IRAG2: variants seen among roughly 807,000 people sequenced by gnomAD.
IRAG2 encodes the protein inositol 1,4,5-triphosphate receptor associated 2.
A neutral mutation model predicts 69.9 loss-of-function variants in IRAG2; 45 were observed. The ratio of observed to expected loss-of-function variants is 0.64; its 90% CI spans 0.51 to 0.83. The LOEUF (loss-of-function observed/expected upper bound fraction) is 0.83. Among genes scored for constraint, IRAG2 ranks in the 40% least tolerant of loss-of-function variants. The pLI is 0.00. For missense variants in IRAG2, 520 were observed against 587.0 expected (o/e 0.89, Z 1.18); for synonymous variants, 193 against 202.4 (o/e 0.95, Z 0.40).
chr12:25,089,950 C>A, intron 13 of IRAG2, 107 bp from the exon 14 acceptor site: 3 of 1,338,954 alleles, frequency 2.2e-6, no homozygotes, highest in Non-Finnish European at 2.1e-6. Context: ...CATTATGTTG[C>A]TGGGGGGAGA....
At chr12:25,086,553 G>A (rs1414495117) in intron 10 of IRAG2, among the ~76,000 whole-genome samples, 1 of 152,146 alleles carries the variant, frequency 6.6e-6, no homozygotes, top group East Asian at 1.9e-4. Context: ...GTGTGTGGAT[G>A]AGATTTCCCA....
Position 25,021,551 on chromosome 12 carries a change from G to C in IRAG2, c.1332+644G>C, listed in dbSNP as rs557583781. On this transcript the variant is annotated intron_variant, in intron 7 of 38. Transcript: ENST00000636465. Reference sequence around the variant, plus strand: ...ACAGGCTTATAATTTCAGAGCAAAAGAGTCATTTAGACTAAACTTTAAGTC... The same window carrying C: ...ACAGGCTTATAATTTCAGAGCAAAACAGTCATTTAGACTAAACTTTAAGTC... Among the ~76,000 whole-genome samples, 44 of 152,162 alleles carry C rather than the reference G, an allele frequency of 2.9e-4. No individual in the cohort carries two copies. The South Asian group carries it at 8.7e-3, about 30-fold the overall frequency.
chr12:25,004,153 G>A (rs1944413356), upstream of IRAG2, among the ~76,000 whole-genome samples: 1 of 152,024 alleles, frequency 6.6e-6, no homozygotes, highest in African/African-American at 2.4e-5. Flanking sequence ...GAAATTTGAG[G>A]GCCAAAGTTA....
intron 10 of IRAG2, among the ~76,000 whole-genome samples, chr12:25,031,913 C>T (rs995931427): frequency 6.6e-6 from 1 of 152,190 alleles, no homozygotes; most frequent in African/African-American, 2.4e-5. Context: ...CCGCCCTCCT[C>T]GGCCTCCCAA....
At chr12:25,006,259 A>G (rs921185424) in intron 2 of IRAG2, 5 of 152,230 alleles carry the variant, frequency 3.3e-5, no homozygotes, top group African/African-American at 1.2e-4. Context: ...AGAAAAGAGA[A>G]CACTTACACA....
chr12:25,052,227 A>G (rs1239295564), upstream of IRAG2: 1 of 199,576 alleles, frequency 5.0e-6, no homozygotes, highest in Non-Finnish European at 8.2e-6. Flanking sequence ...TTTTTTTTTT[A>G]ACTCCAGTCA....
chr12:25,039,943 A>T (rs1048524258), intron 16 of IRAG2, among the ~76,000 whole-genome samples: 1 of 152,208 alleles, frequency 6.6e-6, no homozygotes, highest in Non-Finnish European at 1.5e-5. Flanking sequence ...AATTTGCCCA[A>T]GGTTACCCAG....
intron 6 of IRAG2, among the ~76,000 whole-genome samples, chr12:25,018,527 T>A (rs1034955127): frequency 6.6e-6 from 1 of 152,076 alleles, no homozygotes; most frequent in Non-Finnish European, 1.5e-5. Flanking sequence ...ACTAAAGCAT[T>A]CTCATCCTCA....
chr12:25,088,025 G>C (rs1341016057), intron 10 of IRAG2, 75 bp from the exon 11 acceptor site: 9 of 1,087,228 alleles, frequency 8.3e-6, no homozygotes, highest in Non-Finnish European at 1.3e-5. Context: ...GCTTAGGAGA[G>C]GACAGGAAGT....
At chr12:25,023,857 T>C in intron 7 of IRAG2, 1 of 1,199,504 alleles carries the variant, frequency 8.3e-7, no homozygotes, top group South Asian at 4.2e-5. Context: ...ATTATTTTTC[T>C]CACAATGAAT....
rs1948909874 is a variant in IRAG2, at chr12:25,104,230, G to GA, written c.1047-130dup. ...TGAAGTTTTTTATCATAAAGTAGGA[G>GA]ATCTGTGAATGTGCCAAGAAAAAAA... On this transcript the variant is annotated intron_variant, in intron 19 of 21. Transcript: ENST00000556887. The GA allele has an allele frequency of 9.7e-6, 8 of 826,510 alleles. No homozygotes were observed. The East Asian group carries it at 2.2e-4, about 23-fold the overall frequency. The allele number at this position is 826,510 out of a possible 1,614,324, so 51.2% of individuals were successfully genotyped here.
At chr12:25,026,856 C>G (rs1453053890) in exon 9 of IRAG2, 2 of 1,226,720 alleles carry the variant, frequency 1.6e-6, no homozygotes, top group Non-Finnish European at 2.0e-6. Flanking sequence ...AAAACTGAGA[C>G]AGAGCACCAA....
intron 6 of IRAG2, among the ~76,000 whole-genome samples, chr12:25,078,302 A>G (rs896101903): frequency 6.6e-6 from 1 of 152,200 alleles, no homozygotes; most frequent in Non-Finnish European, 1.5e-5. Flanking sequence ...GTAAACCTGT[A>G]CTTTACTTGT....
chr12:25,017,219 G>A (rs1385146112), exon 6 of IRAG2: 1 of 1,231,992 alleles, frequency 8.1e-7, no homozygotes, highest in African/African-American at 1.6e-5. Flanking sequence ...GTTTAAGTTG[G>A]CTTTAGAAAC....
At chr12:25,049,374 G>A (rs1020052881), upstream of IRAG2, among the ~76,000 whole-genome samples, 5 of 152,176 alleles carry the variant, frequency 3.3e-5, no homozygotes. Context: ...TCCTATCCAT[G>A]AGCATGGAAT....
At position 25,104,391 on chromosome 12, in the gene IRAG2, C is replaced by G. The variant is rs761816093; in HGVS notation, c.1077C>G (p.His359Gln). 3 of 1,613,000 alleles carry G rather than the reference C, an allele frequency of 1.9e-6. No individual in the cohort carries two copies. The highest frequency in any genetic ancestry group is 2.5e-6 in the Non-Finnish European group (3 of 1,179,090). ...TTTTGGGGTCAAAGCAGAGTGAACA[C>G]CGTCCCTCATTACCTCGATTTATTA... ...WRILGSKQSE[H>Q]RPSLPRFIST... The change falls in exon 20 of 22, where the codon CAC becomes CAG. Residue 359 changes from histidine to glutamine, a missense_variant. Physicochemically the swap from His to Gln is conservative, Grantham distance 24. Transcript: ENST00000556887.
At chr12:25,027,544 G>A (rs547679433) in intron 9 of IRAG2, among the ~76,000 whole-genome samples, 49 of 151,674 alleles carry the variant, frequency 3.2e-4, no homozygotes, top group East Asian at 1.9e-3. Context: ...ACAGGCACCC[G>A]CCACCACACC....
At chr12:25,087,248 A>G (rs1470027779) in intron 10 of IRAG2, among the ~76,000 whole-genome samples, 4 of 137,352 alleles carry the variant, frequency 2.9e-5, no homozygotes. Flanking sequence ...GTTCACTGCA[A>G]CCTCTGCCTC....
At chr12:25,074,862 A>C (rs982683072) in intron 6 of IRAG2, among the ~76,000 whole-genome samples, 2 of 152,200 alleles carry the variant, frequency 1.3e-5, no homozygotes, top group Non-Finnish European at 2.9e-5. Context: ...GGAGGCGGTG[A>C]TTTATTAAGG....
Sources: gnomAD v4.1 joint callset for allele counts (sites outside exome capture counted in the v4.1 genomes callset) on GRCh38, gnomAD v4.1.1 for gene constraint, MANE v1.5 for transcripts, NCBI Gene and HGNC (gene_info 2026-07-23, HGNC 2026-07-21) for gene names.